Variants in NRCAM observed in about 807,000 individuals in gnomAD.
The protein encoded by NRCAM is neuronal cell adhesion molecule.
In NRCAM, 83 loss-of-function variants were observed where a neutral mutation model predicts 156.5. That is an observed-to-expected ratio of 0.53 (90% CI 0.44 to 0.64). The LOEUF is 0.64. Among genes scored for constraint, NRCAM ranks in the 30% least tolerant of loss-of-function variants. NRCAM has a pLI of 0.00. For synonymous variants in NRCAM, 538 were observed against 563.9 expected (o/e 0.95, Z 0.65); for missense variants, 1,417 against 1,597.3 (o/e 0.89, Z 1.92).
intron 22 of NRCAM, among the ~76,000 whole-genome samples, chr7:108,183,946 T>C (rs1203418866): frequency 2.0e-5 from 3 of 152,118 alleles, no homozygotes; most frequent in Non-Finnish European, 4.4e-5. Context: ...ATTGGTTCTA[T>C]TATTACTCCC....
rs145766166 is a variant in NRCAM at position 108,206,480 on chromosome 7, G to T, written c.1207+1048C>A. On this transcript the variant is annotated intron_variant, in intron 13 of 32. Coordinates refer to ENST00000379028, the MANE Select transcript of NRCAM (RefSeq NM_001037132.4). ...TAATCATGTTATTGACTGGGAGAGTGAACCTAAGGCTGGGTTTGATGCTGA... is the reference window on the plus strand; with the variant it reads ...TAATCATGTTATTGACTGGGAGAGTTAACCTAAGGCTGGGTTTGATGCTGA... Among the ~76,000 whole-genome samples the T allele has an allele frequency of 9.7e-3, 1,481 of 152,250 alleles. 30 individuals are homozygous for T. The highest frequency in any genetic ancestry group is 0.033 in the African/African-American group (1,383 of 41,552).
chr7:108,442,329 AAC>A (rs1372101739), intron 1 of NRCAM, among the ~76,000 whole-genome samples: 1 of 152,160 alleles, frequency 6.6e-6, no homozygotes, highest in Non-Finnish European at 1.5e-5. Context: ...ACAGGTGTAT[AAC>A]ACATGCATAT....
rs1172894534 is a variant in NRCAM at position 108,268,632 on chromosome 7, GGGTT to G, written c.-106-28466_-106-28463del. On this transcript the variant is annotated intron_variant, in intron 3 of 32. Coordinates refer to ENST00000379028, the MANE Select transcript of NRCAM (RefSeq NM_001037132.4). Reference sequence around the variant, plus strand: ...GCGGGGCGGGGGTGGGGGTGGGGGGGGGTTGGGGGGGGCGGCGGTGGCGGGAAGA... The same window carrying G: ...GCGGGGCGGGGGTGGGGGTGGGGGGGGGGGGGGGCGGCGGTGGCGGGAAGA... 7.1e-4 allele frequency among the ~76,000 whole-genome samples: 46 copies of G among 65,016 alleles called. 1 individual carries two copies. Among genetic ancestry groups the G allele is most frequent in the Middle Eastern group, 7.9e-3 (1 of 126 alleles). 42.7% of individuals were successfully genotyped at this position (65,016 alleles called of 152,430 possible).
intron 3 of NRCAM, among the ~76,000 whole-genome samples, chr7:108,294,193 GTTTTTTTTTT>G (rs56717039): frequency 5.7e-5 from 5 of 87,934 alleles, no homozygotes; most frequent in Non-Finnish European, 8.4e-5. Context: ...TTCTTTACTG[GTTTTTTTTTT>G]TTTTTTTTTT....
At chr7:108,170,888 G>A (rs2299991) in intron 28 of NRCAM, among the ~76,000 whole-genome samples, 1 of 151,850 alleles carries the variant, frequency 6.6e-6, no homozygotes, top group African/African-American at 2.4e-5. Flanking sequence ...TTGGTCAAAG[G>A]GTACAAACTT....
At chr7:108,260,424 C>G (rs2096848859) in intron 3 of NRCAM, among the ~76,000 whole-genome samples, 1 of 151,928 alleles carries the variant, frequency 6.6e-6, no homozygotes, top group African/African-American at 2.4e-5. Context: ...GAATGAGGTA[C>G]AAGGGGAGAG....
At chr7:108,229,403 C>T (rs1041202910) in intron 8 of NRCAM, among the ~76,000 whole-genome samples, 1 of 152,196 alleles carries the variant, frequency 6.6e-6, no homozygotes, top group African/African-American at 2.4e-5. Context: ...GCTGGGATTA[C>T]AGTGTCAGCC....
chr7:108,155,058 C>A (rs1016040141), intron 32 of NRCAM, among the ~76,000 whole-genome samples: 1 of 142,176 alleles, frequency 7.0e-6, no homozygotes, highest in South Asian at 2.3e-4. Flanking sequence ...TGATATGAAT[C>A]AAGAAGTCAT....
chr7:108,373,224 G>C (rs1362324158), intron 2 of NRCAM, among the ~76,000 whole-genome samples: 3 of 152,120 alleles, frequency 2.0e-5, no homozygotes, highest in African/African-American at 7.2e-5. Flanking sequence ...ACTAGTCATT[G>C]GGCATAAAGT....
intron 1 of NRCAM, among the ~76,000 whole-genome samples, chr7:108,419,628 G>T (rs1298288793): frequency 6.6e-6 from 1 of 152,162 alleles, no homozygotes; most frequent in Non-Finnish European, 1.5e-5. Context: ...GCTCACCCAG[G>T]TGCTCTCATT....
intron 17 of NRCAM, among the ~76,000 whole-genome samples, chr7:108,193,298 G>A (rs929234167): frequency 6.6e-6 from 1 of 152,212 alleles, no homozygotes; most frequent in Non-Finnish European, 1.5e-5. Context: ...TCATTGACAA[G>A]CAACAGGGCA....
chr7:108,155,099 TATAC>T (rs201505902), intron 32 of NRCAM, among the ~76,000 whole-genome samples: 1,174 of 89,918 alleles, frequency 0.013, 22 homozygotes, highest in African/African-American at 0.057. Context: ...TATATATATA[TATAC>T]ACACACACAC....
intron 1 of NRCAM, among the ~76,000 whole-genome samples, chr7:108,451,656 C>A (rs1478240993): frequency 6.6e-6 from 1 of 152,156 alleles, no homozygotes; most frequent in Admixed American, 6.5e-5. Flanking sequence ...ATGGATCAAC[C>A]TTGAAGGCAC....
chr7:108,160,578 G>A (rs1442336442), intron 30 of NRCAM, 86 bp from the exon 31 acceptor site: 7 of 1,189,480 alleles, frequency 5.9e-6, no homozygotes, highest in Non-Finnish European at 8.1e-6. Flanking sequence ...AAATTGCCAC[G>A]TTATGTGAGC....
intron 19 of NRCAM, among the ~76,000 whole-genome samples, chr7:108,190,057 GCA>G (rs2070156470): frequency 6.6e-6 from 1 of 152,148 alleles, no homozygotes; most frequent in African/African-American, 2.4e-5. Context: ...ACATGAATGG[GCA>G]CAAACATGAA....
At chr7:108,235,694 T>C (rs1378306130) in intron 5 of NRCAM, among the ~76,000 whole-genome samples, 1 of 152,084 alleles carries the variant, frequency 6.6e-6, no homozygotes, top group East Asian at 1.9e-4. Flanking sequence ...CATTTGGCCA[T>C]ATCTGGAGGC....
At chr7:108,323,196 G>C (rs2154213645) in intron 2 of NRCAM, among the ~76,000 whole-genome samples, 1 of 152,304 alleles carries the variant, frequency 6.6e-6, no homozygotes, top group East Asian at 1.9e-4. Context: ...AAATTGCACA[G>C]ATCAGAATGT....
chr7:108,156,100 C>T (rs1019683771), intron 32 of NRCAM, among the ~76,000 whole-genome samples: 2 of 152,092 alleles, frequency 1.3e-5, no homozygotes, highest in African/African-American at 4.8e-5. Flanking sequence ...CCTACCCACT[C>T]GCTAAAAGTC....
At chr7:108,192,151 T>C (rs1454139435) in intron 17 of NRCAM, among the ~76,000 whole-genome samples, 1 of 152,178 alleles carries the variant, frequency 6.6e-6, no homozygotes, top group Non-Finnish European at 1.5e-5. Flanking sequence ...TGTTAGGAAC[T>C]GGGCTGCAGA....
Sources: gnomAD v4.1 joint callset for allele counts (sites outside exome capture counted in the v4.1 genomes callset) on GRCh38, gnomAD v4.1.1 for gene constraint, MANE v1.5 for transcripts, NCBI Gene and HGNC (gene_info 2026-07-23, HGNC 2026-07-21) for gene names.